Variants in PARD3B observed in about 807,000 individuals in gnomAD.
The protein encoded by PARD3B is par-3 family cell polarity regulator beta, also known as partitioning defective 3 homolog B.
In PARD3B, 103 loss-of-function variants were observed where a neutral mutation model predicts 130.2. The ratio of observed to expected loss-of-function variants is 0.79; its 90% CI spans 0.67 to 0.93. The LOEUF is 0.93. PARD3B is among the 40% of genes least tolerant of loss of function. The pLI is 0.00. For synonymous variants in PARD3B, 583 were observed against 553.2 expected, an observed-to-expected ratio of 1.05 and a Z score of -0.76; for missense variants, 1,609 against 1,499.2, an observed-to-expected ratio of 1.07 and a Z score of -1.21.
At chr2:204,773,574 A>G (rs1355014997) in intron 2 of PARD3B, among the ~76,000 whole-genome samples, 5 of 152,124 alleles carry the variant, frequency 3.3e-5, no homozygotes, top group African/African-American at 4.8e-5. Flanking sequence ...TGTAACGTAC[A>G]TTTAATTTTT....
At chr2:205,501,498 C>T (rs544318919) in intron 21 of PARD3B, among the ~76,000 whole-genome samples, 49 of 152,220 alleles carry the variant, frequency 3.2e-4, no homozygotes, top group African/African-American at 1.2e-3. Context: ...CGATTTACTG[C>T]CTCTGACAAG....
chr2:205,506,335 AAAAAC>A (rs1402203970), intron 21 of PARD3B, among the ~76,000 whole-genome samples: 66 of 42,206 alleles, frequency 1.6e-3, no homozygotes, highest in Admixed American at 0.012. Context: ...CTGTCTCAAA[AAAAAC>A]AAAAACAAAA....
intron 1 of PARD3B, among the ~76,000 whole-genome samples, chr2:204,625,954 A>G (rs1400129384): frequency 6.6e-6 from 1 of 152,122 alleles, no homozygotes; most frequent in Non-Finnish European, 1.5e-5. Context: ...TGTATAGGGT[A>G]TATTATTTTG....
intron 3 of PARD3B, among the ~76,000 whole-genome samples, chr2:204,984,291 A>G (rs772799714): frequency 4.4e-4 from 67 of 152,166 alleles, no homozygotes; most frequent in Non-Finnish European, 7.8e-4. Flanking sequence ...AATCTTCTCA[A>G]TAGTCAGTTG....
rs780464607 is a variant in PARD3B at position 205,617,919 on chromosome 2, C to G, written c.*2106C>G. On this transcript the variant is annotated 3_prime_UTR_variant, in exon 23 of 23. Transcript: ENST00000406610. ...CTAAACATAGCCAAGCCAGAACATT[C>G]CTTCTGGATTAAGCCTAGGCCACTT... is the stretch of plus-strand genomic sequence containing the variant. The G allele has an allele frequency of 3.3e-5, 5 of 152,204 alleles. No individual in the cohort carries two copies. The highest frequency in any genetic ancestry group is 6.5e-5 in the Admixed American group (1 of 15,288). The allele number at this position is 152,204 out of a possible 1,614,324, so 9.4% of individuals were successfully genotyped here.
intron 3 of PARD3B, among the ~76,000 whole-genome samples, chr2:205,026,023 CTGGGAA>C (rs1172912578): frequency 2.0e-5 from 3 of 152,180 alleles, no homozygotes; most frequent in African/African-American, 7.2e-5. Flanking sequence ...GAGCATACAA[CTGGGAA>C]AAGATAGATA....
chr2:205,498,501 CAAA>C (rs757837391), intron 20 of PARD3B, among the ~76,000 whole-genome samples: 1 of 136,734 alleles, frequency 7.3e-6, no homozygotes, highest in Non-Finnish European at 1.6e-5. Context: ...GACTCCATCT[CAAA>C]AAAAAAAAAG....
chr2:204,612,790 T>G (rs1305283252), intron 1 of PARD3B, among the ~76,000 whole-genome samples: 8 of 148,000 alleles, frequency 5.4e-5, no homozygotes, highest in Non-Finnish European at 1.5e-5. Flanking sequence ...TTTCAACTTG[T>G]GTTTCTTCTC....
At chr2:205,201,765 A>G (rs757873562) in intron 15 of PARD3B, among the ~76,000 whole-genome samples, 66 of 152,352 alleles carry the variant, frequency 4.3e-4, no homozygotes, top group Admixed American at 1.9e-3. Flanking sequence ...TGAACCTGGG[A>G]GGTGGAGTTT....
chr2:204,608,393 C>A (rs1260005754), intron 1 of PARD3B, among the ~76,000 whole-genome samples: 9 of 152,248 alleles, frequency 5.9e-5, no homozygotes, highest in African/African-American at 1.9e-4. Flanking sequence ...CATTCTTCTA[C>A]CCTTAGTGTG....
Position 205,301,082 on chromosome 2 carries a change from C to T in PARD3B, c.2392+346C>T, listed in dbSNP as rs532139450. ...AGAGGCAGCATCAATCCAAGGACTCCGACTGCATTAATTGGGTAGAAGCAG... is the reference window on the plus strand; with the variant it reads ...AGAGGCAGCATCAATCCAAGGACTCTGACTGCATTAATTGGGTAGAAGCAG... On this transcript the variant is annotated intron_variant, in intron 17 of 22. Transcript: ENST00000406610. The surrounding 1 kb of genome is among the most constrained non-coding windows in gnomAD (Gnocchi z 5.2). 1.0e-3 allele frequency among the ~76,000 whole-genome samples: 155 copies of T among 152,288 alleles called. 1 individual carries two copies. Among genetic ancestry groups the T allele is most frequent in the African/African-American group, 3.4e-3 (142 of 41,564 alleles).
In PARD3B at chr2:205,288,283, A is replaced by G. The variant is rs2041472949; in HGVS notation, c.2186-12247A>G. Among the ~76,000 whole-genome samples the G allele has an allele frequency of 6.6e-6, 1 of 152,142 alleles. No individual in the cohort carries two copies. The highest frequency in any genetic ancestry group is 1.5e-5 in the Non-Finnish European group (1 of 68,030). ...TTCCTGCACCCTATCCCTCCTCGTC[A>G]GAGAAAAACCTGGGGAAAATAGTTC... On this transcript the variant is annotated intron_variant, in intron 16 of 22. Coordinates refer to ENST00000406610, the MANE Select transcript of PARD3B (RefSeq NM_001302769.2). The surrounding 1 kb of genome is among the most constrained non-coding windows in gnomAD (Gnocchi z 4.0).
chr2:204,612,657 T>C (rs1266769451), intron 1 of PARD3B, among the ~76,000 whole-genome samples: 1 of 152,184 alleles, frequency 6.6e-6, no homozygotes. Context: ...ATTTTAAATA[T>C]TTTAAATTTA....
intron 1 of PARD3B, among the ~76,000 whole-genome samples, chr2:204,626,877 A>G (rs552258662): frequency 1.3e-5 from 2 of 152,110 alleles, no homozygotes; most frequent in African/African-American, 2.4e-5. Context: ...CCCAACACCT[A>G]TGATATGGTT....
At chr2:204,855,649 C>T (rs2044902922) in intron 2 of PARD3B, among the ~76,000 whole-genome samples, 2 of 151,752 alleles carry the variant, frequency 1.3e-5, no homozygotes, top group African/African-American at 2.4e-5. Context: ...AAAACTTACT[C>T]CTCCAGTCTA....
chr2:205,609,711 A>G lies in PARD3B; in HGVS notation c.3261-5745A>G, dbSNP rs1303274323. ...TCACACCTCTGCTCATAAATTCTTC[A>G]TGGTTTTTATACTTTCTGCTGCATA... On this transcript the variant is annotated intron_variant, in intron 22 of 22. Transcript: ENST00000406610. Among the ~76,000 whole-genome samples, 3 of 152,188 alleles carry G rather than the reference A, an allele frequency of 2.0e-5. No individual in the cohort carries two copies. The East Asian group carries it at 5.8e-4, about 29-fold the overall frequency.
chr2:205,248,248 C>G (rs183855459), intron 16 of PARD3B, among the ~76,000 whole-genome samples: 4 of 152,088 alleles, frequency 2.6e-5, no homozygotes, highest in African/African-American at 9.6e-5. Context: ...TGGCCACTCC[C>G]CCAATTTTTT....
chr2:204,734,246 A>G (rs896402335), intron 2 of PARD3B, among the ~76,000 whole-genome samples: 23 of 152,194 alleles, frequency 1.5e-4, no homozygotes, highest in African/African-American at 5.3e-4. Flanking sequence ...ACTAAAATTA[A>G]AAGGACTGAA....
intron 19 of PARD3B, among the ~76,000 whole-genome samples, chr2:205,438,762 G>A (rs575463199): frequency 1.3e-5 from 2 of 152,228 alleles, no homozygotes; most frequent in South Asian, 4.1e-4. Context: ...AGAATCCCTT[G>A]GAAATTCAAG....
Sources: gnomAD v4.1 joint callset for allele counts (sites outside exome capture counted in the v4.1 genomes callset) on GRCh38, gnomAD v4.1.1 for gene constraint, Gnocchi (gnomAD v3.1) non-coding constraint, MANE v1.5 for transcripts, NCBI Gene and HGNC (gene_info 2026-07-23, HGNC 2026-07-21) for gene names.